C12orf54: variants seen among roughly 807,000 people sequenced by gnomAD.
C12orf54 encodes chromosome 12 open reading frame 54.
Under a neutral mutation model 26.4 loss-of-function variants are expected in C12orf54, and 24 were observed. The ratio of observed to expected loss-of-function variants is 0.91; its 90% CI spans 0.66 to 1.28. The LOEUF is 1.28. C12orf54 is among the 50% of genes most tolerant of loss of function. C12orf54 has a pLI of 0.00. For synonymous variants in C12orf54, 54 were observed against 47.0 expected, an observed-to-expected ratio of 1.15 and a Z score of -0.61; for missense variants, 154 against 150.9, an observed-to-expected ratio of 1.02 and a Z score of -0.11.
the C12orf54 span, among the ~76,000 whole-genome samples, chr12:48,440,051 C>T: frequency 6.6e-6 from 1 of 151,928 alleles, no homozygotes; most frequent in South Asian, 2.1e-4. Context: ...ATGGCGAAAC[C>T]CTGTCTCTAC....
chr12:48,437,670 G>T, the C12orf54 span, among the ~76,000 whole-genome samples: 1 of 152,128 alleles, frequency 6.6e-6, no homozygotes, highest in Non-Finnish European at 1.5e-5. Context: ...TATCTCAATC[G>T]ATGCAGAAAA....
the C12orf54 span, among the ~76,000 whole-genome samples, chr12:48,434,415 T>G: frequency 1.3e-5 from 2 of 152,176 alleles, no homozygotes; most frequent in African/African-American, 4.8e-5. Flanking sequence ...AAGAGAGTAG[T>G]GGTTCTCCCA....
At chr12:48,433,783 G>A in the C12orf54 span, among the ~76,000 whole-genome samples, 1 of 152,160 alleles carries the variant, frequency 6.6e-6, no homozygotes, top group African/African-American at 2.4e-5. Flanking sequence ...TGCCAGCGGT[G>A]GAGCCAAGAT....
chr12:48,417,620 A>T, the C12orf54 span, among the ~76,000 whole-genome samples: 1 of 152,142 alleles, frequency 6.6e-6, no homozygotes, highest in Non-Finnish European at 1.5e-5. Flanking sequence ...GTAAATGTGC[A>T]GGTTTCTTAC....
At chr12:48,493,244 G>A (rs893455816) in intron 7 of C12orf54, among the ~76,000 whole-genome samples, 1 of 152,148 alleles carries the variant, frequency 6.6e-6, no homozygotes, top group African/African-American at 2.4e-5. Context: ...CTCACCATAA[G>A]AGATTGTAAG....
the C12orf54 span, among the ~76,000 whole-genome samples, chr12:48,469,502 A>C: frequency 6.6e-6 from 1 of 151,670 alleles, no homozygotes; most frequent in South Asian, 2.1e-4. Flanking sequence ...GGATGCCCAG[A>C]TTTCATATTA....
chr12:48,444,276 T>C, the C12orf54 span, among the ~76,000 whole-genome samples: 1 of 152,220 alleles, frequency 6.6e-6, no homozygotes, highest in Non-Finnish European at 1.5e-5. Flanking sequence ...GGATTCTTTT[T>C]GAGAACATCA....
the C12orf54 span, among the ~76,000 whole-genome samples, chr12:48,437,416 C>G: frequency 6.6e-6 from 1 of 152,132 alleles, no homozygotes; most frequent in Non-Finnish European, 1.5e-5. Context: ...CCAGCATCAT[C>G]CTCATACCAA....
chr12:48,475,417 G>T, the C12orf54 span, among the ~76,000 whole-genome samples: 1 of 152,212 alleles, frequency 6.6e-6, no homozygotes, highest in African/African-American at 2.4e-5. Context: ...CGAGTTGAGA[G>T]AAGAAGGCTT....
intron 4 of C12orf54, chr12:48,488,281 G>A (rs1228225247): frequency 2.1e-5 from 12 of 579,906 alleles, no homozygotes; most frequent in African/African-American, 3.7e-5. Context: ...GAGGATTAGC[G>A]ATCTGGAAGA....
At chr12:48,472,664 G>A in the C12orf54 span, 2 of 1,614,034 alleles carry the variant, frequency 1.2e-6, no homozygotes, top group Non-Finnish European at 1.7e-6. Context: ...AAGCGTGAGA[G>A]ATGGAGATGG....
intron 5 of C12orf54, chr12:48,489,222 G>A (rs991141372): frequency 1.2e-5 from 8 of 642,450 alleles, no homozygotes; most frequent in Non-Finnish European, 2.3e-5. Flanking sequence ...AATACTCTAT[G>A]TGGTTGTATG....
the C12orf54 span, among the ~76,000 whole-genome samples, chr12:48,413,898 A>G: frequency 6.6e-6 from 1 of 152,306 alleles, no homozygotes; most frequent in South Asian, 2.1e-4. Context: ...CCACCAGAGA[A>G]AATGAGAATA....
the C12orf54 span, among the ~76,000 whole-genome samples, chr12:48,424,128 A>T: frequency 2.6e-5 from 4 of 152,074 alleles, no homozygotes; most frequent in African/African-American, 7.2e-5. Flanking sequence ...TTTCTGGTCT[A>T]ATAATATGGT....
the C12orf54 span, among the ~76,000 whole-genome samples, chr12:48,445,187 T>A: frequency 4.7e-5 from 7 of 149,568 alleles, no homozygotes; most frequent in Admixed American, 2.7e-4. Context: ...AAAAAAAAAT[T>A]AATACATTGA....
At chr12:48,425,990 T>C in the C12orf54 span, among the ~76,000 whole-genome samples, 1 of 151,392 alleles carries the variant, frequency 6.6e-6, no homozygotes, top group Non-Finnish European at 1.5e-5. Context: ...ATTAGAACTT[T>C]GTCAGATGTA....
At chr12:48,425,749 T>C in the C12orf54 span, among the ~76,000 whole-genome samples, 1 of 152,156 alleles carries the variant, frequency 6.6e-6, no homozygotes, top group African/African-American at 2.4e-5. Context: ...TATTATTTTT[T>C]TACTTTTTAA....
the C12orf54 span, among the ~76,000 whole-genome samples, chr12:48,426,395 G>A: frequency 6.6e-6 from 1 of 151,916 alleles, no homozygotes; most frequent in East Asian, 1.9e-4. Context: ...ACAGTTGTAG[G>A]TTTGAGACCT....
At chr12:48,495,994 G>C (rs1051897368) in intron 8 of C12orf54, among the ~76,000 whole-genome samples, 187 bp from the exon 9 acceptor site, 9 of 152,178 alleles carry the variant, frequency 5.9e-5, no homozygotes, top group African/African-American at 1.9e-4. Context: ...ACTACACAGA[G>C]AATATTGTCT....
Sources: allele counts gnomAD v4.1 joint callset (sites outside exome capture counted in the v4.1 genomes callset), GRCh38; gene constraint gnomAD v4.1.1; transcripts MANE v1.5; gene names NCBI Gene and HGNC (gene_info 2026-07-23, HGNC 2026-07-21).